Variants in SESTD1 observed in about 807,000 individuals in gnomAD.
SESTD1 encodes SEC14 domain and spectrin repeat-containing protein 1.
Under a neutral mutation model 101.7 loss-of-function variants are expected in SESTD1, and 43 were observed. That is an observed-to-expected ratio of 0.42 (90% confidence interval 0.33 to 0.55). The LOEUF (loss-of-function observed/expected upper bound fraction) is 0.55, where lower values mean the gene tolerates loss of function less well. SESTD1 is among the 20% of genes least tolerant of loss of function. The pLI is 0.07. For synonymous variants in SESTD1, 283 were observed against 286.8 expected (o/e 0.99, Z 0.13); for missense variants, 647 against 815.1 (o/e 0.79, Z 2.51).
At chr2:179,201,505 A>T (rs1435446211) in intron 1 of SESTD1, among the ~76,000 whole-genome samples, 1 of 133,762 alleles carries the variant, frequency 7.5e-6, no homozygotes, top group Non-Finnish European at 1.6e-5. Flanking sequence ...CCACAATAGC[A>T]AAGGCTTGGA....
chr2:179,264,446 G>A (rs1413108286), intron 1 of SESTD1, 53 bp downstream of exon 1: 1 of 150,610 alleles, frequency 6.6e-6, no homozygotes, highest in African/African-American at 2.4e-5. Flanking sequence ...CGGCCACCCG[G>A]CCGCGGGGCC....
At chr2:179,143,947 G>C (rs2045339800) in intron 8 of SESTD1, 144 bp from the exon 9 acceptor site, 3 of 777,170 alleles carry the variant, frequency 3.9e-6, no homozygotes. Context: ...AAAAATGTAT[G>C]TATCACAATA....
At position 179,103,772 on chromosome 2, in the gene SESTD1, G is replaced by A. The variant is rs2044323213; in HGVS notation, c.*6127C>T. On this transcript the variant is annotated 3_prime_UTR_variant, in exon 18 of 18. Transcript: ENST00000428443. ...AGGAATTGACTGGAAAGGGCAGTGT[G>A]GAAACTTTCTAGGGTGGTGATAACG... 6.6e-6 allele frequency: 1 copy of A among 152,046 alleles called. No individual in the cohort carries two copies. The highest frequency in any genetic ancestry group is 2.1e-4 in the South Asian group (1 of 4,832). 9.4% of individuals were successfully genotyped at this position (152,046 alleles called of 1,614,324 possible). A position where few individuals can be genotyped will look rare whatever the true frequency, so the allele number is the denominator to read the frequency against.
chr2:179,137,864 T>C (rs1180131511), intron 9 of SESTD1, among the ~76,000 whole-genome samples: 1 of 152,198 alleles, frequency 6.6e-6, no homozygotes, highest in Non-Finnish European at 1.5e-5. Flanking sequence ...TAATTATCTT[T>C]AAACAAGCAA....
chr2:179,226,826 C>T (rs926214654), intron 1 of SESTD1, among the ~76,000 whole-genome samples: 18 of 152,176 alleles, frequency 1.2e-4, no homozygotes, highest in Non-Finnish European at 2.2e-4. Flanking sequence ...AGGACAGTGC[C>T]TGGCAGATAG....
chr2:179,180,913 A>C (rs1326869119), intron 3 of SESTD1, among the ~76,000 whole-genome samples: 2 of 152,172 alleles, frequency 1.3e-5, no homozygotes, highest in African/African-American at 4.8e-5. Flanking sequence ...CTGATCCAAG[A>C]AAGCAGAAGG....
rs1029343943 is a variant in SESTD1 at position 179,215,650 on chromosome 2, A to G, written c.-25-23784T>C. The stretch of plus-strand genomic sequence containing the variant: ...CCCTAACTCATTTTATGAGGCCAGC[A>G]TCATCCTGATTCCAAAGCCTGGCAG... On this transcript the variant is annotated intron_variant, in intron 1 of 17. Coordinates refer to ENST00000428443, the MANE Select transcript of SESTD1 (RefSeq NM_178123.5). Among the ~76,000 whole-genome samples, 2 of 134,768 alleles carry G rather than the reference A, an allele frequency of 1.5e-5. 1 individual carries two copies. The highest frequency in any genetic ancestry group is 3.2e-5 in the Non-Finnish European group (2 of 62,790). 88.4% of individuals were successfully genotyped at this position (134,768 alleles called of 152,430 possible). A position where few individuals can be genotyped will look rare whatever the true frequency, so the allele number is the denominator to read the frequency against.
intron 1 of SESTD1, among the ~76,000 whole-genome samples, chr2:179,195,306 T>C (rs2046373736): frequency 1.3e-5 from 2 of 152,312 alleles, no homozygotes; most frequent in African/African-American, 2.4e-5. Flanking sequence ...AGAGATCTAA[T>C]GGTTTCATAA....
At chr2:179,199,182 C>T (rs372081441) in intron 1 of SESTD1, among the ~76,000 whole-genome samples, 60 of 151,976 alleles carry the variant, frequency 3.9e-4, no homozygotes, top group Middle Eastern at 3.4e-3. Context: ...AACACCTCTA[C>T]GCAAATAAAC....
At chr2:179,263,212 T>G (rs1050260760) in intron 1 of SESTD1, among the ~76,000 whole-genome samples, 2 of 152,196 alleles carry the variant, frequency 1.3e-5, no homozygotes, top group Non-Finnish European at 2.9e-5. Flanking sequence ...GTATTACGTA[T>G]AAAAGCTTCC....
intron 13 of SESTD1, 62 bp from the exon 14 acceptor site, chr2:179,117,675 T>C: frequency 2.3e-6 from 3 of 1,313,456 alleles, no homozygotes; most frequent in Non-Finnish European, 3.1e-6. Flanking sequence ...TATTGTAACA[T>C]CATCATTTGG....
chr2:179,173,175 T>C (rs892194457), intron 4 of SESTD1, among the ~76,000 whole-genome samples: 2 of 152,196 alleles, frequency 1.3e-5, no homozygotes, highest in Admixed American at 6.5e-5. Context: ...CTTTGCCTTA[T>C]ACCTAGGAGT....
Position 179,105,697 on chromosome 2 carries a change from T to G in SESTD1, c.*4202A>C, listed in dbSNP as rs965670663. On this transcript the variant is annotated 3_prime_UTR_variant, in exon 18 of 18. Transcript: ENST00000428443. Reference sequence around the variant, plus strand: ...TCCATTCTGTTTATTTCTGGATATTTTGGCTTCAACAATTCTTTATATCAT... The same window carrying G: ...TCCATTCTGTTTATTTCTGGATATTGTGGCTTCAACAATTCTTTATATCAT... 2 of 152,216 alleles carry G rather than the reference T, an allele frequency of 1.3e-5. No homozygotes were observed. Among genetic ancestry groups the G allele is most frequent in the Admixed American group, 1.3e-4 (2 of 15,270 alleles). 9.4% of individuals were successfully genotyped at this position (152,216 alleles called of 1,614,324 possible). A position where few individuals can be genotyped will look rare whatever the true frequency, so the allele number is the denominator to read the frequency against.
chr2:179,249,602 T>C (rs1157322786), intron 1 of SESTD1, among the ~76,000 whole-genome samples: 1 of 152,018 alleles, frequency 6.6e-6, no homozygotes, highest in Non-Finnish European at 1.5e-5. Context: ...TTTATATGAG[T>C]TAAATGCAAT....
rs1353658061 is a variant in SESTD1, at chr2:179,105,360, TG to T, written c.*4538del. 4 of 152,266 alleles carry T rather than the reference TG, an allele frequency of 2.6e-5. No individual in the cohort carries two copies. The allele number at this position is 152,266 out of a possible 1,614,324, so 9.4% of individuals were successfully genotyped here. On this transcript the variant is annotated 3_prime_UTR_variant, in exon 18 of 18. Transcript: ENST00000428443. ...CTCAAAACAGATGATACTCATCACT[TG>T]TCTTCCATCTTGCTGTTCTATTATC...
chr2:179,259,056 A>G (rs560121854), intron 1 of SESTD1, among the ~76,000 whole-genome samples: 1 of 152,330 alleles, frequency 6.6e-6, no homozygotes, highest in South Asian at 2.1e-4. Flanking sequence ...GTAATGAGCC[A>G]AAGAATATTC....
Position 179,107,396 on chromosome 2 carries a change from G to T in SESTD1, c.*2503C>A, listed in dbSNP as rs1231176567. ...GCCTTATTTTACTTTTTGTAGGCAA[G>T]ATAGCTTAAGGTATATAAAAATTAA... On this transcript the variant is annotated 3_prime_UTR_variant, in exon 18 of 18. Coordinates refer to ENST00000428443, the MANE Select transcript of SESTD1 (RefSeq NM_178123.5). 2 of 152,150 alleles carry T rather than the reference G, an allele frequency of 1.3e-5. No homozygotes were observed. Among genetic ancestry groups the T allele is most frequent in the African/African-American group, 2.4e-5 (1 of 41,446 alleles). 9.4% of individuals were successfully genotyped at this position (152,150 alleles called of 1,614,324 possible).
chr2:179,189,038 C>T (rs553810868), intron 2 of SESTD1, among the ~76,000 whole-genome samples: 1 of 152,146 alleles, frequency 6.6e-6, no homozygotes, highest in South Asian at 2.1e-4. Context: ...TGAAATTATT[C>T]CAAAAAATTA....
At chr2:179,197,603 C>G (rs1303782779) in intron 1 of SESTD1, among the ~76,000 whole-genome samples, 3 of 152,330 alleles carry the variant, frequency 2.0e-5, no homozygotes, top group Non-Finnish European at 2.9e-5. Flanking sequence ...AGACTAACAG[C>G]AGATCTCTCT....
Sources: gnomAD v4.1 joint callset for allele counts (sites outside exome capture counted in the v4.1 genomes callset) on GRCh38, gnomAD v4.1.1 for gene constraint, MANE v1.5 for transcripts, NCBI Gene and HGNC (gene_info 2026-07-23, HGNC 2026-07-21) for gene names.